The following TTC28 variants were observed in gnomAD, a reference collection of about 807,000 sequenced individuals.
TTC28 encodes the protein tetratricopeptide repeat domain 28.
A neutral mutation model predicts 198.0 loss-of-function variants in TTC28; 61 were observed. That is an observed-to-expected ratio of 0.31 (90% confidence interval 0.25 to 0.38). The LOEUF (loss-of-function observed/expected upper bound fraction) is 0.38, where lower values mean the gene tolerates loss of function less well. Among genes scored for constraint, TTC28 ranks in the 10% least tolerant of loss-of-function variants. The pLI, the probability that TTC28 is intolerant of heterozygous loss-of-function variation, is 1.00. For missense variants in TTC28, 2,678 were observed against 3,164.0 expected (o/e 0.85, Z 3.69); for synonymous variants, 1,171 against 1,297.8 (o/e 0.90, Z 2.10).
intron 5 of TTC28, among the ~76,000 whole-genome samples, chr22:28,244,313 T>A (rs1056678338): frequency 5.9e-5 from 9 of 152,148 alleles, no homozygotes; most frequent in African/African-American, 1.9e-4. Context: ...ACAGAATGCT[T>A]TCATAAAGAC....
At chr22:28,086,025 G>A (rs1941581128) in intron 12 of TTC28, among the ~76,000 whole-genome samples, 3 of 152,082 alleles carry the variant, frequency 2.0e-5, no homozygotes, top group African/African-American at 7.2e-5. Flanking sequence ...AGTCCTCAGT[G>A]ACCTACAAAG....
chr22:28,631,630 T>A (rs2051174834), intron 1 of TTC28, among the ~76,000 whole-genome samples: 1 of 152,052 alleles, frequency 6.6e-6, no homozygotes, highest in South Asian at 2.1e-4. Flanking sequence ...ACTCAAGCAG[T>A]CTTCCCACCT....
chr22:28,314,187 A>G (rs924482302), intron 2 of TTC28, among the ~76,000 whole-genome samples: 4 of 152,216 alleles, frequency 2.6e-5, no homozygotes, highest in African/African-American at 9.7e-5. Context: ...GGAGAACTAC[A>G]AACTACTGCT....
intron 5 of TTC28, among the ~76,000 whole-genome samples, chr22:28,273,003 C>T (rs1932187688): frequency 6.6e-6 from 1 of 152,196 alleles, no homozygotes; most frequent in Admixed American, 6.5e-5. Context: ...GTTCACAGTC[C>T]ATCAAGGTGG....
chr22:28,280,912 TTC>T (rs538283766), intron 5 of TTC28, among the ~76,000 whole-genome samples: 47 of 152,276 alleles, frequency 3.1e-4, no homozygotes, highest in African/African-American at 1.1e-3. Flanking sequence ...GCTGAAGATT[TTC>T]TCCCACTGTC....
At chr22:28,359,695 C>A (rs2046129631) in intron 2 of TTC28, among the ~76,000 whole-genome samples, 1 of 152,082 alleles carries the variant, frequency 6.6e-6, no homozygotes, top group African/African-American at 2.4e-5. Flanking sequence ...CTGCCAAATG[C>A]CAAGCAGGTG....
At chr22:28,247,048 T>TA (rs1930156589) in intron 5 of TTC28, among the ~76,000 whole-genome samples, 1 of 152,316 alleles carries the variant, frequency 6.6e-6, no homozygotes, top group African/African-American at 2.4e-5. Context: ...CCTGGGCAGT[T>TA]ACGCCAAATA....
chr22:28,611,328 AC>A (rs2050814416), intron 2 of TTC28, among the ~76,000 whole-genome samples: 1 of 152,146 alleles, frequency 6.6e-6, no homozygotes, highest in African/African-American at 2.4e-5. Flanking sequence ...AGGTCAGGTT[AC>A]CCACAATGGG....
intron 1 of TTC28, among the ~76,000 whole-genome samples, chr22:28,637,785 C>A (rs1163052126): frequency 6.6e-6 from 1 of 150,524 alleles, no homozygotes; most frequent in Non-Finnish European, 1.5e-5. Flanking sequence ...CAAAGAGATG[C>A]TGCTTACAAA....
chr22:28,227,364 A>T (rs973851231), intron 5 of TTC28, among the ~76,000 whole-genome samples: 1 of 152,240 alleles, frequency 6.6e-6, no homozygotes, highest in Non-Finnish European at 1.5e-5. Context: ...CAACAGCATG[A>T]GTGACACAGC....
intron 2 of TTC28, among the ~76,000 whole-genome samples, chr22:28,589,960 C>T (rs1201200784): frequency 6.8e-6 from 1 of 146,434 alleles, no homozygotes; most frequent in Admixed American, 6.9e-5. Context: ...CTGCTCGAAC[C>T]CGGGAGGCAG....
At chr22:28,425,073 A>C (rs540438554) in intron 2 of TTC28, among the ~76,000 whole-genome samples, 2 of 152,318 alleles carry the variant, frequency 1.3e-5, no homozygotes, top group East Asian at 3.9e-4. Flanking sequence ...TTCTACTACA[A>C]ATTTACATTT....
intron 2 of TTC28, among the ~76,000 whole-genome samples, chr22:28,404,920 T>C (rs2046976475): frequency 6.6e-6 from 1 of 152,208 alleles, no homozygotes; most frequent in Admixed American, 6.5e-5. Flanking sequence ...ATTATGTTAC[T>C]TTCTAATACT....
intron 2 of TTC28, among the ~76,000 whole-genome samples, chr22:28,493,456 A>G (rs2048406984): frequency 6.6e-6 from 1 of 152,238 alleles, no homozygotes; most frequent in Admixed American, 6.5e-5. Context: ...AATAAGGGAA[A>G]AAAACATTCA....
At chr22:28,275,174 G>A (rs186362963) in intron 5 of TTC28, among the ~76,000 whole-genome samples, 42 of 152,132 alleles carry the variant, frequency 2.8e-4, no homozygotes, top group South Asian at 1.2e-3. Context: ...TCCGCATTAC[G>A]GAAGTTCTAT....
At chr22:28,128,005 A>G (rs1398933941) in intron 6 of TTC28, among the ~76,000 whole-genome samples, 1 of 151,936 alleles carries the variant, frequency 6.6e-6, no homozygotes, top group East Asian at 1.9e-4. Flanking sequence ...TTGGAACTAC[A>G]GGTATGAACC....
intron 1 of TTC28, among the ~76,000 whole-genome samples, chr22:28,647,359 A>G (rs1158579312): frequency 1.3e-5 from 2 of 152,192 alleles, no homozygotes; most frequent in African/African-American, 4.8e-5. Flanking sequence ...CAGAAGCAAA[A>G]GCAACAAAGA....
chr22:28,132,225 A>G (rs2146965568), intron 6 of TTC28, among the ~76,000 whole-genome samples: 1 of 152,350 alleles, frequency 6.6e-6, no homozygotes, highest in African/African-American at 2.4e-5. Context: ...GTCCTGTTGG[A>G]GGCCATTATG....
intron 2 of TTC28, among the ~76,000 whole-genome samples, chr22:28,386,624 T>G (rs1432447885): frequency 6.6e-6 from 1 of 152,038 alleles, no homozygotes; most frequent in Non-Finnish European, 1.5e-5. Context: ...TATGACTCCA[T>G]AGGGTCTAAG....
Sources: allele counts gnomAD v4.1 joint callset (sites outside exome capture counted in the v4.1 genomes callset), GRCh38; gene constraint gnomAD v4.1.1; transcripts MANE v1.5; gene names NCBI Gene and HGNC (gene_info 2026-07-23, HGNC 2026-07-21).